The following SLC2A12 variants were observed in gnomAD, a reference collection of about 807,000 sequenced individuals.
The protein encoded by SLC2A12 is solute carrier family 2 member 12.
A neutral mutation model predicts 41.8 loss-of-function variants in SLC2A12; 23 were observed. The ratio of observed to expected loss-of-function variants is 0.55; its 90% CI spans 0.40 to 0.78. The LOEUF (loss-of-function observed/expected upper bound fraction) is 0.78, where lower values mean the gene tolerates loss of function less well. Ranked by LOEUF, SLC2A12 falls within the 30% of genes least tolerant of loss-of-function variation. The pLI is 0.00. For synonymous variants in SLC2A12, 295 were observed against 285.9 expected (o/e 1.03, Z -0.32); for missense variants, 654 against 745.6 (o/e 0.88, Z 1.43).
Position 134,052,359 on chromosome 6 carries a change from C to A in SLC2A12, c.103+19G>T. On this transcript the variant is annotated intron_variant, in intron 1 of 4. Coordinates refer to ENST00000275230, the MANE Select transcript of SLC2A12 (RefSeq NM_145176.3). ...GCTTGCTTCTCTGCGGTCACCCGAG[C>A]ACTGCAGGCTCACTTTACCTCTCGC... is the stretch of plus-strand genomic sequence containing the variant. 1 of 1,604,626 alleles carries A rather than the reference C, an allele frequency of 6.2e-7. No individual in the cohort carries two copies. Among genetic ancestry groups the A allele is most frequent in the East Asian group, 2.2e-5 (1 of 44,848 alleles).
chr6:134,037,062 C>T (rs1392835895), intron 1 of SLC2A12, among the ~76,000 whole-genome samples: 1 of 152,016 alleles, frequency 6.6e-6, no homozygotes, highest in Non-Finnish European at 1.5e-5. Context: ...GTGTTCTTTC[C>T]CAGGTCTGTG....
intron 1 of SLC2A12, among the ~76,000 whole-genome samples, chr6:134,052,006 A>T (rs1212563628): frequency 6.6e-6 from 1 of 152,202 alleles, no homozygotes; most frequent in Non-Finnish European, 1.5e-5. Context: ...TGTGTTTACA[A>T]ATGAGACTAT....
At position 133,991,077 on chromosome 6, in the gene SLC2A12, A is replaced by T; in HGVS notation, c.*78T>A. On this transcript the variant is annotated 3_prime_UTR_variant, in exon 5 of 5. Coordinates refer to ENST00000275230, the MANE Select transcript of SLC2A12 (RefSeq NM_145176.3). ...CATGACACTGAAAAGAGAGCACAGG[A>T]GTCGCAACTATGCATTGGTCCAAAG... 1 of 1,468,026 alleles carries T rather than the reference A, an allele frequency of 6.8e-7. No homozygotes were observed. The highest frequency in any genetic ancestry group is 9.2e-7 in the Non-Finnish European group (1 of 1,090,356). 90.9% of individuals were successfully genotyped at this position (1,468,026 alleles called of 1,614,324 possible).
At chr6:134,025,028 C>T (rs1209883422) in intron 2 of SLC2A12, among the ~76,000 whole-genome samples, 2 of 152,142 alleles carry the variant, frequency 1.3e-5, no homozygotes, top group Admixed American at 6.5e-5. Flanking sequence ...ATATCTCAGC[C>T]TTATAAAAAG....
chr6:134,001,302 TG>T (rs1434407717), intron 4 of SLC2A12, among the ~76,000 whole-genome samples: 2 of 152,108 alleles, frequency 1.3e-5, no homozygotes, highest in African/African-American at 4.8e-5. Context: ...CAAAAACCTA[TG>T]GAAATAAACT....
intron 3 of SLC2A12, among the ~76,000 whole-genome samples, 156 bp downstream of exon 3, chr6:134,006,656 C>T (rs1476015937): frequency 1.3e-5 from 2 of 152,114 alleles, no homozygotes; most frequent in African/African-American, 4.8e-5. Context: ...ACATTCAAAA[C>T]TGTAAATTGG....
intron 2 of SLC2A12, among the ~76,000 whole-genome samples, chr6:134,009,534 G>T (rs891832310): frequency 6.6e-6 from 1 of 152,074 alleles, no homozygotes; most frequent in Non-Finnish European, 1.5e-5. Flanking sequence ...TGTGGAGCCT[G>T]TCAAGTTAAA....
intron 2 of SLC2A12, among the ~76,000 whole-genome samples, chr6:134,010,411 CAG>C (rs1407076537): frequency 6.6e-6 from 1 of 152,152 alleles, no homozygotes; most frequent in East Asian, 1.9e-4. Flanking sequence ...GCACTTGTAA[CAG>C]AGACACAGTG....
intron 2 of SLC2A12, among the ~76,000 whole-genome samples, chr6:134,008,601 A>T (rs1332911752): frequency 6.6e-6 from 1 of 152,176 alleles, no homozygotes; most frequent in Non-Finnish European, 1.5e-5. Flanking sequence ...TAATGAGACC[A>T]GTTTAGTGCT....
At chr6:134,035,077 A>G (rs1777274917) in intron 1 of SLC2A12, among the ~76,000 whole-genome samples, 1 of 150,802 alleles carries the variant, frequency 6.6e-6, no homozygotes, top group Non-Finnish European at 1.5e-5. Context: ...AAGATACCCC[A>G]AAGTACGGCA....
Position 134,029,676 on chromosome 6 carries a change from C to T in SLC2A12, c.149G>A (p.Ser50Asn). The change falls in exon 2 of 5, where the codon AGT becomes AAT. Residue 50 changes from serine (S) to asparagine (N), a missense_variant. This residue lies in a region of SLC2A12 where 109 missense variants were observed against 153.0 expected (regional missense o/e 0.71). Coordinates refer to ENST00000275230, the MANE Select transcript of SLC2A12 (RefSeq NM_145176.3). ...AAGTTCATAACCCACCAGGAGGCCACTGACAGCAGCAGTGACAGATGACAG... is the reference window on the plus strand; with the variant it reads ...AAGTTCATAACCCACCAGGAGGCCATTGACAGCAGCAGTGACAGATGACAG... The part of the protein sequence containing the change: ...TFLSSVTAAV[S>N]GLLVGYELGI... 1 of 1,610,500 alleles carries T rather than the reference C, an allele frequency of 6.2e-7. No homozygotes were observed. The highest frequency in any genetic ancestry group is 1.7e-4 in the Middle Eastern group (1 of 6,058).
rs779405491 is a variant in SLC2A12 at position 134,029,609 on chromosome 6, T to C, written c.216A>G (p.Leu72=). The change falls in exon 2 of 5, where the codon TTA becomes TTG. Residue 72 remains leucine (L), a synonymous_variant. Coordinates refer to ENST00000275230, the MANE Select transcript of SLC2A12 (RefSeq NM_145176.3). ...TTTCCTGCTCATGGCAGCTCAGGGC[T>C]AATAAGGTTTTGATCTGAAGAAGAG... is the stretch of plus-strand genomic sequence containing the variant. ...SGALLQIKTL[L]ALSCHEQEMV... 1 of 1,613,978 alleles carries C rather than the reference T, an allele frequency of 6.2e-7. No homozygotes were observed. Among genetic ancestry groups the C allele is most frequent in the South Asian group, 1.1e-5 (1 of 91,078 alleles).
intron 1 of SLC2A12, among the ~76,000 whole-genome samples, chr6:134,041,511 A>C (rs771402428): frequency 6.6e-6 from 1 of 152,026 alleles, no homozygotes; most frequent in Non-Finnish European, 1.5e-5. Flanking sequence ...GAGAGAAAGA[A>C]AGGGAAGTGA....
intron 2 of SLC2A12, among the ~76,000 whole-genome samples, chr6:134,022,289 G>A (rs1442635722): frequency 1.3e-5 from 2 of 152,134 alleles, no homozygotes; most frequent in African/African-American, 2.4e-5. Context: ...CCAGCACTTT[G>A]GGAGGCTGAG....
At position 133,991,046 on chromosome 6, in the gene SLC2A12, C is replaced by T. The variant is rs1413066111; in HGVS notation, c.*109G>A. The T allele has an allele frequency of 7.7e-7, 1 of 1,296,244 alleles. No homozygotes were observed. The highest frequency in any genetic ancestry group is 2.4e-5 in the East Asian group (1 of 41,294). 80.3% of individuals were successfully genotyped at this position (1,296,244 alleles called of 1,614,324 possible). A position where few individuals can be genotyped will look rare whatever the true frequency, so the allele number is the denominator to read the frequency against. Reference sequence around the variant, plus strand: ...TCATTTCAGAGTGTCTCTTCAAAACCAGTTCCATGACACTGAAAAGAGAGC... The same window carrying T: ...TCATTTCAGAGTGTCTCTTCAAAACTAGTTCCATGACACTGAAAAGAGAGC... On this transcript the variant is annotated 3_prime_UTR_variant, in exon 5 of 5. Coordinates refer to ENST00000275230, the MANE Select transcript of SLC2A12 (RefSeq NM_145176.3).
intron 2 of SLC2A12, among the ~76,000 whole-genome samples, chr6:134,015,434 A>T (rs1776944363): frequency 6.6e-6 from 1 of 152,160 alleles, no homozygotes; most frequent in African/African-American, 2.4e-5. Flanking sequence ...TATGTAACAA[A>T]CCTCCACATC....
chr6:134,017,874 A>G (rs1448148705), intron 2 of SLC2A12, among the ~76,000 whole-genome samples: 7 of 151,954 alleles, frequency 4.6e-5, no homozygotes, highest in Middle Eastern at 3.4e-3. Flanking sequence ...AAAAAAAAAA[A>G]AAGAAGAGTG....
At chr6:134,013,342 A>T (rs965947203) in intron 2 of SLC2A12, among the ~76,000 whole-genome samples, 1 of 152,012 alleles carries the variant, frequency 6.6e-6, no homozygotes, top group African/African-American at 2.4e-5. Context: ...TTAAATTGAA[A>T]TTTTTTTATT....
chr6:134,010,462 G>A (rs1776865197), intron 2 of SLC2A12, among the ~76,000 whole-genome samples: 1 of 152,252 alleles, frequency 6.6e-6, no homozygotes, highest in South Asian at 2.1e-4. Flanking sequence ...GAGTTCAGCA[G>A]GCACGAAAAT....
Sources: allele counts gnomAD v4.1 joint callset (sites outside exome capture counted in the v4.1 genomes callset), GRCh38; gene constraint gnomAD v4.1.1; regional missense constraint gnomAD v4.1.1; transcripts MANE v1.5; gene names NCBI Gene and HGNC (gene_info 2026-07-23, HGNC 2026-07-21).